The following TACR3 variants were observed in gnomAD, a reference collection of about 807,000 sequenced individuals.
The protein encoded by TACR3 is neuromedin-K receptor.
Under a neutral mutation model 35.0 loss-of-function variants are expected in TACR3, and 34 were observed. That is an observed-to-expected ratio of 0.97 (90% confidence interval 0.74 to 1.30). The LOEUF is 1.30. Ranked by LOEUF, TACR3 falls within the 50% of genes most tolerant of loss-of-function variation. TACR3 has a pLI of 0.00. For missense variants in TACR3, 558 were observed against 591.7 expected, an observed-to-expected ratio of 0.94 and a Z score of 0.59; for synonymous variants, 233 against 221.1, an observed-to-expected ratio of 1.05 and a Z score of -0.48.
At chr4:103,600,923 G>A (rs1038406954) in intron 3 of TACR3, among the ~76,000 whole-genome samples, 1 of 152,146 alleles carries the variant, frequency 6.6e-6, no homozygotes, top group African/African-American at 2.4e-5. Context: ...GTGCTGAAAA[G>A]AATGCATATT....
At chr4:103,618,021 A>T (rs1724698927) in intron 3 of TACR3, among the ~76,000 whole-genome samples, 1 of 152,194 alleles carries the variant, frequency 6.6e-6, no homozygotes, top group Non-Finnish European at 1.5e-5. Context: ...TTCAGTGTCT[A>T]TGAGTTTAGG....
At chr4:103,653,671 G>A (rs1172923379) in intron 3 of TACR3, among the ~76,000 whole-genome samples, 1 of 151,872 alleles carries the variant, frequency 6.6e-6, no homozygotes, top group Non-Finnish European at 1.5e-5. Context: ...CAAAAGCAAT[G>A]GCAACAAAAG....
intron 1 of TACR3, 62 bp downstream of exon 1, chr4:103,719,066 C>T: frequency 6.2e-7 from 1 of 1,602,842 alleles, no homozygotes; most frequent in Non-Finnish European, 8.5e-7. Context: ...GTAATCTTAT[C>T]CCACCGCCCA....
At chr4:103,592,715 T>C (rs1723921270) in intron 3 of TACR3, among the ~76,000 whole-genome samples, 1 of 152,202 alleles carries the variant, frequency 6.6e-6, no homozygotes, top group Non-Finnish European at 1.5e-5. Flanking sequence ...AGCTCTGATG[T>C]AAAGGGCCTA....
chr4:103,710,032 A>G (rs549011563), intron 1 of TACR3, among the ~76,000 whole-genome samples: 1 of 152,246 alleles, frequency 6.6e-6, no homozygotes, highest in Admixed American at 6.5e-5. Context: ...ACCTACAGAG[A>G]CTTTGACTCC....
At chr4:103,594,663 C>A (rs59094458) in intron 3 of TACR3, among the ~76,000 whole-genome samples, 5,242 of 152,220 alleles carry the variant, frequency 0.034, 335 homozygotes, top group African/African-American at 0.12. Flanking sequence ...CTAAGGCTAT[C>A]AGTCCTTTTA....
chr4:103,606,597 G>A (rs2110294683), intron 3 of TACR3, among the ~76,000 whole-genome samples: 1 of 152,190 alleles, frequency 6.6e-6, no homozygotes, highest in Non-Finnish European at 1.5e-5. Flanking sequence ...ATTGTGAATG[G>A]GAGTTCACTC....
intron 1 of TACR3, among the ~76,000 whole-genome samples, chr4:103,661,108 T>C (rs976919992): frequency 6.6e-6 from 1 of 152,032 alleles, no homozygotes; most frequent in Non-Finnish European, 1.5e-5. Flanking sequence ...ATTTTGAATA[T>C]AACCATTTAT....
rs1455891592 is a variant in TACR3, at chr4:103,719,508, G to A, written c.168C>T (p.Ser56=). 1 of 1,610,612 alleles carries A rather than the reference G, an allele frequency of 6.2e-7. No homozygotes were observed. The highest frequency in any genetic ancestry group is 1.3e-5 in the African/African-American group (1 of 74,996). Residue 56 remains serine (S), a synonymous_variant, in exon 1 of 5, where the codon TCC becomes TCT. Coordinates refer to ENST00000304883, the MANE Select transcript of TACR3 (RefSeq NM_001059.3). ...GGGAAGCCACAGGCAGTCCCAGCGC[G>A]GAAGGGGAGGAGGAGAGGTTGCCAG... ...DQAGNLSSSP[S]ALGLPVASPA... is the part of the protein sequence containing the mutation.
At chr4:103,590,147 G>A (rs1723863079) in intron 4 of TACR3, among the ~76,000 whole-genome samples, 153 bp from the exon 5 acceptor site, 1 of 152,126 alleles carries the variant, frequency 6.6e-6, no homozygotes, top group African/African-American at 2.4e-5. Flanking sequence ...TCACAGTACT[G>A]TTGTTAGTCG....
chr4:103,648,899 C>G (rs1361795782), intron 3 of TACR3, among the ~76,000 whole-genome samples: 2 of 152,072 alleles, frequency 1.3e-5, no homozygotes, highest in African/African-American at 4.8e-5. Context: ...AATTTACATT[C>G]CCATCAACTG....
intron 3 of TACR3, among the ~76,000 whole-genome samples, chr4:103,614,459 G>A (rs1226774024): frequency 6.6e-5 from 10 of 152,102 alleles, no homozygotes; most frequent in African/African-American, 2.4e-4. Flanking sequence ...TCATTAAATG[G>A]TTGAGCAGTG....
intron 1 of TACR3, among the ~76,000 whole-genome samples, chr4:103,679,659 A>C (rs2110208081): frequency 6.6e-6 from 1 of 152,038 alleles, no homozygotes; most frequent in Middle Eastern, 3.4e-3. Flanking sequence ...TTGTTTTATG[A>C]GACACCCCCT....
intron 1 of TACR3, among the ~76,000 whole-genome samples, chr4:103,667,871 C>T (rs1346015995): frequency 6.6e-6 from 1 of 152,164 alleles, no homozygotes. Flanking sequence ...CTCTGTCACC[C>T]AGACTGGAGT....
intron 1 of TACR3, among the ~76,000 whole-genome samples, chr4:103,689,474 T>C (rs550360437): frequency 2.6e-5 from 4 of 151,890 alleles, no homozygotes; most frequent in African/African-American, 9.7e-5. Context: ...ATACAGACTA[T>C]CAAAGATATA....
Position 103,596,142 on chromosome 4 carries a change from G to A in TACR3, c.889-4459C>T, listed in dbSNP as rs1157346335. 2.7e-5 allele frequency among the ~76,000 whole-genome samples: 4 copies of A among 147,778 alleles called. No homozygotes were observed. In the East Asian group the frequency reaches 7.9e-4, roughly 29 times the overall value. On this transcript the variant is annotated intron_variant, in intron 3 of 4. Coordinates refer to ENST00000304883, the MANE Select transcript of TACR3 (RefSeq NM_001059.3). Reference sequence around the variant, plus strand: ...ATATGTGTCACGTTTTCTTAATCCAGTCTATCATTGTTGGACATTTGGGGT... The same window carrying A: ...ATATGTGTCACGTTTTCTTAATCCAATCTATCATTGTTGGACATTTGGGGT...
At chr4:103,638,166 A>G (rs2110317283) in intron 3 of TACR3, among the ~76,000 whole-genome samples, 1 of 152,182 alleles carries the variant, frequency 6.6e-6, no homozygotes, top group South Asian at 2.1e-4. Context: ...AGCTGGAGGC[A>G]TCACACTACC....
intron 3 of TACR3, among the ~76,000 whole-genome samples, chr4:103,652,352 T>C (rs1444699668): frequency 6.6e-6 from 1 of 152,078 alleles, no homozygotes; most frequent in African/African-American, 2.4e-5. Flanking sequence ...TGGATCAGTT[T>C]TGCTTTCTCC....
At chr4:103,641,555 A>C (rs1725356777) in intron 3 of TACR3, among the ~76,000 whole-genome samples, 1 of 151,980 alleles carries the variant, frequency 6.6e-6, no homozygotes, top group Non-Finnish European at 1.5e-5. Flanking sequence ...CATTGCGTAA[A>C]ACAGTATGAA....
Sources: allele counts gnomAD v4.1 joint callset (sites outside exome capture counted in the v4.1 genomes callset), GRCh38; gene constraint gnomAD v4.1.1; transcripts MANE v1.5; gene names NCBI Gene and HGNC (gene_info 2026-07-23, HGNC 2026-07-21).